The following SEL1L2 variants were observed in gnomAD, a reference collection of about 807,000 sequenced individuals.
The protein encoded by SEL1L2 is protein sel-1 homolog 2.
In SEL1L2, 89 loss-of-function variants were observed where a neutral mutation model predicts 98.8. The observed-to-expected ratio is 0.90, with a 90% CI of 0.76 to 1.07. The LOEUF (loss-of-function observed/expected upper bound fraction) is 1.07, where lower values mean the gene tolerates loss of function less well. SEL1L2 is among the 50% of genes least tolerant of loss of function. SEL1L2 has a pLI of 0.00. For missense variants in SEL1L2, 788 were observed against 812.0 expected, an observed-to-expected ratio of 0.97 and a Z score of 0.36; for synonymous variants, 262 against 278.5, an observed-to-expected ratio of 0.94 and a Z score of 0.59.
chr20:13,904,992 G>A (rs1198590086), intron 5 of SEL1L2, among the ~76,000 whole-genome samples: 6 of 152,198 alleles, frequency 3.9e-5, no homozygotes, highest in African/African-American at 1.4e-4. Context: ...AGGAAGTTGT[G>A]AAGTGGGTTG....
At chr20:13,854,110 G>T (rs551794636) in intron 18 of SEL1L2, among the ~76,000 whole-genome samples, 1 of 152,186 alleles carries the variant, frequency 6.6e-6, no homozygotes, top group Non-Finnish European at 1.5e-5. Context: ...AACACTCCAT[G>T]GGTGGTCAGA....
intron 2 of SEL1L2, among the ~76,000 whole-genome samples, chr20:13,949,116 A>G (rs1489095603): frequency 6.6e-6 from 1 of 152,226 alleles, no homozygotes; most frequent in South Asian, 2.1e-4. Flanking sequence ...GACAACCCAC[A>G]GACTGGGAGA....
chr20:13,905,047 C>T (rs1037475809), intron 5 of SEL1L2, among the ~76,000 whole-genome samples: 2 of 152,028 alleles, frequency 1.3e-5, no homozygotes, highest in African/African-American at 4.8e-5. Context: ...GGGGCGTATT[C>T]CTCAGTATAA....
chr20:13,967,257 G>A (rs1403817851), intron 1 of SEL1L2, among the ~76,000 whole-genome samples: 2 of 152,170 alleles, frequency 1.3e-5, no homozygotes, highest in African/African-American at 4.8e-5. Flanking sequence ...AAGTGAAGAA[G>A]CTACACTTTG....
intron 9 of SEL1L2, 31 bp downstream of exon 9, chr20:13,886,257 C>T: frequency 1.9e-6 from 3 of 1,539,206 alleles, no homozygotes; most frequent in Non-Finnish European, 2.7e-6. Flanking sequence ...TTTTCATGTT[C>T]TAAAAACTCA....
intron 14 of SEL1L2, among the ~76,000 whole-genome samples, chr20:13,868,502 C>G (rs920119594): frequency 2.6e-5 from 4 of 152,104 alleles, no homozygotes; most frequent in Non-Finnish European, 5.9e-5. Flanking sequence ...ACTTCCTGAT[C>G]TTCCGTTCAT....
At chr20:13,859,856 T>G (rs1311524871) in intron 17 of SEL1L2, among the ~76,000 whole-genome samples, 2 of 152,138 alleles carry the variant, frequency 1.3e-5, no homozygotes. Context: ...CCCGCCACCA[T>G]GCCCGGCTAA....
chr20:13,982,508 C>CAA (rs10713892), intron 1 of SEL1L2, among the ~76,000 whole-genome samples: 13 of 67,658 alleles, frequency 1.9e-4, no homozygotes, highest in African/African-American at 4.2e-4. Context: ...GAGACTCTGC[C>CAA]AAAAAAAAAA....
intron 1 of SEL1L2, 80 bp from the exon 2 acceptor site, chr20:13,956,211 A>G (rs2050535322): frequency 1.4e-6 from 1 of 726,918 alleles, no homozygotes; most frequent in Admixed American, 3.3e-5. Flanking sequence ...TATTGTTAAA[A>G]AAACTTCTAG....
chr20:13,978,989 G>T (rs2051681274), intron 1 of SEL1L2, among the ~76,000 whole-genome samples: 1 of 152,156 alleles, frequency 6.6e-6, no homozygotes, highest in Non-Finnish European at 1.5e-5. Flanking sequence ...GAAACCAGAA[G>T]GTGGAGGTTG....
intron 4 of SEL1L2, among the ~76,000 whole-genome samples, chr20:13,914,705 C>T (rs1246707429): frequency 6.6e-6 from 1 of 152,134 alleles, no homozygotes; most frequent in African/African-American, 2.4e-5. Flanking sequence ...TGGCATTGTG[C>T]GTGGTATAGA....
At chr20:13,860,969 G>A (rs79309284) in intron 17 of SEL1L2, among the ~76,000 whole-genome samples, 1,610 of 152,070 alleles carry the variant, frequency 0.011, 29 homozygotes, top group African/African-American at 0.037. Flanking sequence ...ATAAGTCTAG[G>A]GGAATTATTC....
upstream of SEL1L2, among the ~76,000 whole-genome samples, chr20:13,994,150 G>A (rs2052586239): frequency 6.6e-6 from 1 of 151,866 alleles, no homozygotes; most frequent in African/African-American, 2.4e-5. Flanking sequence ...TACAAAATTA[G>A]CCAGGCATGG....
At chr20:13,912,292 A>AT (rs11478603) in intron 5 of SEL1L2, among the ~76,000 whole-genome samples, 5,534 of 111,284 alleles carry the variant, frequency 0.05, 188 homozygotes, top group South Asian at 0.15. Context: ...TTTCTGTGGG[A>AT]TTTTTTTTTT....
intron 5 of SEL1L2, among the ~76,000 whole-genome samples, chr20:13,896,222 A>G (rs1192838848): frequency 2.0e-5 from 3 of 152,140 alleles, no homozygotes; most frequent in Non-Finnish European, 4.4e-5. Context: ...CTGTAATCCC[A>G]GCCCTTGGGG....
chr20:13,931,419 C>T (rs1332010036), intron 3 of SEL1L2, among the ~76,000 whole-genome samples, 184 bp downstream of exon 3: 1 of 135,016 alleles, frequency 7.4e-6, no homozygotes, highest in African/African-American at 2.5e-5. Context: ...AGAGTGAGAC[C>T]CTGTCTCAAA....
At chr20:13,939,204 C>A (rs780676233) in intron 2 of SEL1L2, among the ~76,000 whole-genome samples, 3 of 151,512 alleles carry the variant, frequency 2.0e-5, no homozygotes, top group Non-Finnish European at 4.4e-5. Context: ...CTACCATGCC[C>A]GGCTAATTTT....
intron 1 of SEL1L2, among the ~76,000 whole-genome samples, chr20:13,984,978 T>G (rs1230011791): frequency 6.6e-6 from 1 of 152,168 alleles, no homozygotes; most frequent in African/African-American, 2.4e-5. Flanking sequence ...TTCTAGCTAT[T>G]TGAAAATATA....
chr20:13,874,042 C>T lies in SEL1L2; in HGVS notation c.1104+1996G>A, dbSNP rs1374016286. 3.9e-5 allele frequency among the ~76,000 whole-genome samples: 6 copies of T among 152,142 alleles called. No homozygotes were observed. In the East Asian group the frequency reaches 7.7e-4, roughly 20 times the overall value. The stretch of plus-strand genomic sequence containing the variant: ...TGTGGATGAAGGGAGGATTGGGCTC[C>T]GCTCTGGGGATGAGTAGGACTTAGA... On this transcript the variant is annotated intron_variant, in intron 12 of 19. Coordinates refer to ENST00000284951, the MANE Select transcript of SEL1L2 (RefSeq NM_025229.2).
Sources: gnomAD v4.1 joint callset for allele counts (sites outside exome capture counted in the v4.1 genomes callset) on GRCh38, gnomAD v4.1.1 for gene constraint, MANE v1.5 for transcripts, NCBI Gene and HGNC (gene_info 2026-07-23, HGNC 2026-07-21) for gene names.